The following PAH variants were observed in gnomAD, a reference collection of about 807,000 sequenced individuals.
PAH encodes phenylalanine-4-hydroxylase.
PAH carries 64 observed loss-of-function variants against 62.0 expected under a neutral mutation model. That is an observed-to-expected ratio of 1.03 (90% CI 0.84 to 1.27). PAH has a LOEUF of 1.27. PAH is among the 50% of genes most tolerant of loss of function. The probability of loss-of-function intolerance (pLI) is 0.00; values close to 1 mark genes in which losing one functional copy is unlikely to be tolerated. For synonymous variants in PAH, 195 were observed against 196.2 expected (o/e 0.99, Z 0.05); for missense variants, 579 against 542.8 (o/e 1.07, Z -0.66).
intron 3 of PAH, among the ~76,000 whole-genome samples, chr12:102,887,423 G>A (rs900753302): frequency 2.0e-5 from 3 of 152,040 alleles, no homozygotes; most frequent in Admixed American, 6.6e-5. Flanking sequence ...AGTTGTCTCC[G>A]TGGCTGCTAG....
At chr12:102,955,686 G>A (rs183739111), upstream of PAH, among the ~76,000 whole-genome samples, 1 of 152,122 alleles carries the variant, frequency 6.6e-6, no homozygotes, top group Non-Finnish European at 1.5e-5. Flanking sequence ...GGAGGTGCAG[G>A]GTGCCCAGGC....
At chr12:102,958,234 C>A in exon 1 of PAH, 1 of 1,460,820 alleles carries the variant, frequency 6.8e-7, no homozygotes. Context: ...ACTCCTTGGC[C>A]GCCGCTGCGC....
At chr12:102,849,955 CTGTT>C (rs1875075253) in intron 8 of PAH, among the ~76,000 whole-genome samples, 2 of 152,216 alleles carry the variant, frequency 1.3e-5, no homozygotes, top group African/African-American at 4.8e-5. Context: ...CCAAGAGCTC[CTGTT>C]TGTTGACTTG....
chr12:102,921,615 G>A (rs1878553583), upstream of PAH, among the ~76,000 whole-genome samples: 1 of 152,152 alleles, frequency 6.6e-6, no homozygotes, highest in African/African-American at 2.4e-5. Flanking sequence ...AAGTTCCAAA[G>A]AGGTGCTCTT....
chr12:102,857,448 A>G (rs11111405), intron 5 of PAH, among the ~76,000 whole-genome samples: 32,248 of 152,122 alleles, frequency 0.21, 4,004 homozygotes, highest in Admixed American at 0.36. Flanking sequence ...GCAGGCCAAC[A>G]TTCAAATTCA....
chr12:102,871,922 C>CAAAAA (rs1168829038), intron 4 of PAH, among the ~76,000 whole-genome samples: 5 of 115,482 alleles, frequency 4.3e-5, no homozygotes, highest in East Asian at 2.3e-4. Context: ...AACTCTGCCT[C>CAAAAA]AAAAAAAAAA....
chr12:102,933,855 G>A (rs760439359), intron 1 of PAH, among the ~76,000 whole-genome samples: 4 of 151,868 alleles, frequency 2.6e-5, no homozygotes, highest in Non-Finnish European at 4.4e-5. Context: ...ACTGGTTGTC[G>A]GATGTAGAGT....
At chr12:102,939,039 A>G (rs1421373639) in intron 1 of PAH, among the ~76,000 whole-genome samples, 1 of 151,944 alleles carries the variant, frequency 6.6e-6, no homozygotes, top group Non-Finnish European at 1.5e-5. Flanking sequence ...CTTTGCTCAC[A>G]TATCCAACAT....
rs374538612 is a variant in PAH, at chr12:102,857,528, C to T, written c.510-2196G>A. Among the ~76,000 whole-genome samples the T allele has an allele frequency of 4.7e-4, 71 of 152,188 alleles. 1 individual carries two copies. The East Asian group carries it at 0.01, about 22-fold the overall frequency. On this transcript the variant is annotated intron_variant, in intron 5 of 12. Coordinates refer to ENST00000553106, the MANE Select transcript of PAH (RefSeq NM_000277.3). ...CTCCAAGACACATAATTGTCAGATT[C>T]GCCAAAGTTGAAATGAAGGAAAAAA...
Position 102,879,011 on chromosome 12 carries a change from C to G in PAH, c.353-1461G>C, listed in dbSNP as rs150654548. Among the ~76,000 whole-genome samples, 343 of 152,212 alleles carry G rather than the reference C, an allele frequency of 2.3e-3. 2 individuals carry two copies. The highest frequency in any genetic ancestry group is 7.6e-3 in the African/African-American group (317 of 41,530). ...AGTGAGTGCAAGGCTTCCAGAACTT[C>G]CCCTGAAATGAGGTCGAGGGGAAGA... is the stretch of plus-strand genomic sequence containing the variant. On this transcript the variant is annotated intron_variant, in intron 3 of 12. Transcript: ENST00000553106.
intron 3 of PAH, among the ~76,000 whole-genome samples, chr12:102,881,603 C>T (rs1165949006): frequency 6.6e-6 from 1 of 152,128 alleles, no homozygotes; most frequent in African/African-American, 2.4e-5. Flanking sequence ...TACCCTTGAC[C>T]ATCTCCCAAT....
intron 5 of PAH, among the ~76,000 whole-genome samples, chr12:102,860,923 G>T (rs553501116): frequency 2.6e-5 from 4 of 152,242 alleles, no homozygotes; most frequent in South Asian, 2.1e-4. Flanking sequence ...CATAGGCATG[G>T]GCAAGGACTT....
chr12:102,940,618 T>C (rs1006218256), intron 1 of PAH, among the ~76,000 whole-genome samples: 4 of 151,984 alleles, frequency 2.6e-5, no homozygotes, highest in African/African-American at 9.7e-5. Context: ...GCGACAAAAA[T>C]AAGGAAAAAC....
In PAH at chr12:102,843,755, G is replaced by A. The variant is rs1221432852; in HGVS notation, c.1090C>T (p.Leu364Phe). ...LQYCLSEKPK[L>F]LPLELEKTAI... is the part of the protein sequence containing the mutation. ...GTCTTCTCCAGCTCCAGGGGGAGAA[G>A]CTTTGGCTTCTCTGATAAGCAGTAC... Residue 364 changes from leucine (L) to phenylalanine (F), a missense_variant, in exon 11 of 13, where the codon CTT becomes TTT. Physicochemically the swap from Leu to Phe is conservative, Grantham distance 22 (BLOSUM62 0). Coordinates refer to ENST00000553106, the MANE Select transcript of PAH (RefSeq NM_000277.3). 6.2e-7 allele frequency: 1 copy of A among 1,613,708 alleles called. No individual in the cohort carries two copies. Among genetic ancestry groups the A allele is most frequent in the African/African-American group, 1.3e-5 (1 of 74,866 alleles).
At chr12:102,866,715 GT>G in intron 4 of PAH, 52 bp from the exon 5 acceptor site, 1 of 1,398,782 alleles carries the variant, frequency 7.1e-7, no homozygotes, top group East Asian at 2.3e-5. Context: ...AAGAGGTCTG[GT>G]ACCTTTATGA....
chr12:102,945,254 G>A (rs1412658756), intron 1 of PAH: 2 of 152,588 alleles, frequency 1.3e-5, no homozygotes, highest in Non-Finnish European at 2.9e-5. Context: ...TGTAGCCCAA[G>A]ACCTGTGGCA....
chr12:102,936,246 ATACT>A (rs1879095077), intron 1 of PAH, among the ~76,000 whole-genome samples: 1 of 152,116 alleles, frequency 6.6e-6, no homozygotes, highest in Non-Finnish European at 1.5e-5. Flanking sequence ...GTCAGAGAAG[ATACT>A]TAATATAATC....
intron 5 of PAH, among the ~76,000 whole-genome samples, chr12:102,860,594 C>A (rs1450879009): frequency 2.0e-5 from 3 of 152,158 alleles, no homozygotes; most frequent in African/African-American, 4.8e-5. Context: ...TACTACAAGG[C>A]TACAGTAACC....
At chr12:102,946,250 C>T (rs1359549883) in intron 1 of PAH, among the ~76,000 whole-genome samples, 1 of 152,182 alleles carries the variant, frequency 6.6e-6, no homozygotes, top group Non-Finnish European at 1.5e-5. Flanking sequence ...CAAGCACTCC[C>T]TTGGCAACCC....
Sources: gnomAD v4.1 joint callset for allele counts (sites outside exome capture counted in the v4.1 genomes callset) on GRCh38, gnomAD v4.1.1 for gene constraint, MANE v1.5 for transcripts, NCBI Gene and HGNC (gene_info 2026-07-23, HGNC 2026-07-21) for gene names.